BBS2: variants seen among roughly 807,000 people sequenced by gnomAD.
BBS2 encodes Bardet-Biedl syndrome 2.
In BBS2, 62 loss-of-function variants were observed where a neutral mutation model predicts 83.0. The ratio of observed to expected loss-of-function variants is 0.75; its 90% CI spans 0.61 to 0.92. The LOEUF is 0.92. BBS2 is among the 40% of genes least tolerant of loss of function. The probability of loss-of-function intolerance (pLI) is 0.00; values close to 1 mark genes in which losing one functional copy is unlikely to be tolerated. For missense variants in BBS2, 784 were observed against 901.0 expected (o/e 0.87, Z 1.66); for synonymous variants, 303 against 326.1 (o/e 0.93, Z 0.76).
Position 56,485,718 on chromosome 16 carries a change from T to C in BBS2, c.1931A>G (p.Tyr644Cys). The C allele has an allele frequency of 1.2e-6, 2 of 1,613,916 alleles. No individual in the cohort carries two copies. Among genetic ancestry groups the C allele is most frequent in the Non-Finnish European group, 1.7e-6 (2 of 1,179,818 alleles). The change falls in exon 16 of 17, where the codon TAT becomes TGT. Residue 644 changes from tyrosine (Y) to cysteine (C), a missense_variant. Transcript: ENST00000245157. Reference protein sequence around the residue: ...MRDMKTMKSRYMELYDLNRDL... With the variant: ...MRDMKTMKSRCMELYDLNRDL... ...TCTATTAAGGTCATAGAGTTCCATA[T>C]AACGACTCTTCATTGTTTTCCTGTG... is the stretch of plus-strand genomic sequence containing the variant.
intron 9 of BBS2, 49 bp downstream of exon 9, chr16:56,502,268 C>G: frequency 6.2e-7 from 1 of 1,613,448 alleles, no homozygotes; most frequent in Non-Finnish European, 8.5e-7. Flanking sequence ...CCCGGTCAGT[C>G]TCAACATTTC....
chr16:56,502,028 C>T (rs1687845583), intron 9 of BBS2: 1 of 467,732 alleles, frequency 2.1e-6, no homozygotes, highest in East Asian at 4.5e-5. Context: ...TTCCTTAGCA[C>T]ATACTCCCTA....
chr16:56,470,666 T>C (rs1372394116), exon 18 of BBS2: 4 of 1,614,100 alleles, frequency 2.5e-6, no homozygotes, highest in Non-Finnish European at 2.5e-6. Context: ...ACCACTGATA[T>C]CACTGAAGAA....
At chr16:56,492,841 C>T (rs1963996332) in intron 15 of BBS2, among the ~76,000 whole-genome samples, 1 of 152,088 alleles carries the variant, frequency 6.6e-6, no homozygotes, top group Admixed American at 6.5e-5. Flanking sequence ...ATTCTGTATG[C>T]ATGTATCATT....
chr16:56,489,874 A>G (rs1963889084), intron 15 of BBS2, among the ~76,000 whole-genome samples: 1 of 152,130 alleles, frequency 6.6e-6, no homozygotes, highest in African/African-American at 2.4e-5. Flanking sequence ...CTGAAATCCC[A>G]GCATTTTGAC....
At chr16:56,514,745 A>T (rs1368944854) in intron 1 of BBS2, 65 bp from the exon 2 acceptor site, 3 of 1,277,954 alleles carry the variant, frequency 2.3e-6, no homozygotes, top group African/African-American at 3.0e-5. Flanking sequence ...ACATTTTTTT[A>T]AAAAAGAACC....
At chr16:56,490,953 G>A (rs1296548188) in intron 15 of BBS2, among the ~76,000 whole-genome samples, 3 of 151,894 alleles carry the variant, frequency 2.0e-5, no homozygotes, top group Non-Finnish European at 4.4e-5. Context: ...AGTAGAGACA[G>A]GGTTTCACCA....
In BBS2 at chr16:56,497,013, G is replaced by T; in HGVS notation, c.1864C>A (p.Arg622=). The T allele has an allele frequency of 6.2e-7, 1 of 1,613,960 alleles. No homozygotes were observed. The change falls in exon 15 of 17, where the codon CGA becomes AGA. Residue 622 remains arginine (R), a synonymous_variant. Coordinates refer to ENST00000245157, the MANE Select transcript of BBS2 (RefSeq NM_031885.5). ...TCCTCAGCTCCGACCAGCAAACTTC[G>T]GATCAAATTAGAATGATCAGCCATA... The part of the protein sequence containing the change: ...ADMADHSNLI[R]SLLVGAEDAR...
chr16:56,502,179 A>G, intron 9 of BBS2, 138 bp downstream of exon 9: 1 of 1,123,288 alleles, frequency 8.9e-7, no homozygotes, highest in Non-Finnish European at 1.4e-6. Context: ...GAAAGCATAT[A>G]TCCCCTCTCA....
chr16:56,513,975 A>G (rs773036826), intron 2 of BBS2, among the ~76,000 whole-genome samples: 1 of 152,242 alleles, frequency 6.6e-6, no homozygotes, highest in African/African-American at 2.4e-5. Flanking sequence ...TCAACAGTTA[A>G]GTGCTCTTTC....
chr16:56,511,693 T>A (rs1467146400), intron 2 of BBS2, among the ~76,000 whole-genome samples: 1 of 152,166 alleles, frequency 6.6e-6, no homozygotes, highest in African/African-American at 2.4e-5. Context: ...AAATAAATAT[T>A]TCCCCCTCTA....
At chr16:56,474,995 G>A in intron 17 of BBS2, 1 of 1,604,364 alleles carries the variant, frequency 6.2e-7, no homozygotes. Context: ...CCGTAGGAGG[G>A]GCAGTCTCTT....
At chr16:56,480,366 C>CAAAAAAAAAAA (rs1157907841), downstream of BBS2, among the ~76,000 whole-genome samples, 12 of 90,208 alleles carry the variant, frequency 1.3e-4, no homozygotes, top group South Asian at 7.4e-4. Context: ...AAAAAAAAAA[C>CAAAAAAAAAAA]AAAAAAAAAA....
exon 18 of BBS2, chr16:56,470,460 G>T: frequency 1.3e-6 from 2 of 1,569,514 alleles, no homozygotes; most frequent in South Asian, 2.4e-5. Context: ...TGGCTTTGAT[G>T]AACAACTTGA....
chr16:56,516,341 G>GA (rs1338188873), intron 1 of BBS2, among the ~76,000 whole-genome samples: 1 of 152,134 alleles, frequency 6.6e-6, no homozygotes, highest in Non-Finnish European at 1.5e-5. Flanking sequence ...TACCATGAGA[G>GA]AAAAAATGTC....
At chr16:56,507,485 A>C (rs1482691518) in intron 5 of BBS2, among the ~76,000 whole-genome samples, 2 of 152,206 alleles carry the variant, frequency 1.3e-5, no homozygotes, top group East Asian at 3.8e-4. Flanking sequence ...AATGATTCCC[A>C]CCAAAGGAGA....
At chr16:56,516,993 TTTATTA>T (rs879900191) in intron 1 of BBS2, among the ~76,000 whole-genome samples, 6 of 150,894 alleles carry the variant, frequency 4.0e-5, no homozygotes, top group African/African-American at 9.8e-5. Context: ...CTTTATTTTA[TTTATTA>T]TTATTATTAT....
At chr16:56,486,912 G>A (rs935641086) in intron 15 of BBS2, among the ~76,000 whole-genome samples, 14 of 151,756 alleles carry the variant, frequency 9.2e-5, no homozygotes, top group African/African-American at 3.4e-4. Flanking sequence ...ACAGGTACCC[G>A]CCACCACACC....
At chr16:56,509,865 G>T in intron 5 of BBS2, 92 bp downstream of exon 5, 3 of 1,347,848 alleles carry the variant, frequency 2.2e-6, no homozygotes, top group Non-Finnish European at 2.1e-6. Context: ...ACCTGGGTTT[G>T]GAGATGCCCC....
Sources: gnomAD v4.1 joint callset for allele counts (sites outside exome capture counted in the v4.1 genomes callset) on GRCh38, gnomAD v4.1.1 for gene constraint, MANE v1.5 for transcripts, NCBI Gene and HGNC (gene_info 2026-07-23, HGNC 2026-07-21) for gene names.